Variants in SPATA9 observed in about 807,000 individuals in gnomAD.
SPATA9 encodes the protein spermatogenesis-associated protein 9.
Under a neutral mutation model 25.5 loss-of-function variants are expected in SPATA9, and 27 were observed. The ratio of observed to expected loss-of-function variants is 1.06; its 90% CI spans 0.78 to 1.46. SPATA9 has a LOEUF of 1.46. Ranked by LOEUF, SPATA9 falls within the 40% of genes most tolerant of loss-of-function variation. SPATA9 has a pLI of 0.00. For synonymous variants in SPATA9, 102 were observed against 105.7 expected (o/e 0.97, Z 0.21); for missense variants, 282 against 297.5 (o/e 0.95, Z 0.38).
At chr5:95,714,003 C>T in the SPATA9 span, among the ~76,000 whole-genome samples, 2 of 152,106 alleles carry the variant, frequency 1.3e-5, no homozygotes, top group African/African-American at 4.8e-5. Flanking sequence ...GACTTCCAGG[C>T]ATACAATCAT....
chr5:95,675,477 T>C lies in SPATA9; in HGVS notation c.313A>G (p.Arg105Gly), dbSNP rs1477339821. Residue 105 changes from arginine (R) to glycine (G), a missense_variant, in exon 3 of 5, where the codon AGG (arginine) becomes GGG (glycine). By Grantham distance (125) the Arg-to-Gly change is moderately radical. Coordinates refer to ENST00000274432, the MANE Select transcript of SPATA9 (RefSeq NM_031952.4). ...PQLACRLLELRDISGRLLREV... is the reference protein window; with the variant it reads ...PQLACRLLELGDISGRLLREV... The stretch of plus-strand genomic sequence containing the variant: ...CTCAGCAGACGACCAGATATGTCCC[T>C]TAGCTCTAAAAGTCTGCATGCAAGC... 1 of 1,614,188 alleles carries C rather than the reference T, an allele frequency of 6.2e-7. No individual in the cohort carries two copies. Among genetic ancestry groups the C allele is most frequent in the Non-Finnish European group, 8.5e-7 (1 of 1,180,026 alleles).
chr5:95,656,001 A>G (rs371274071), downstream of SPATA9: 2 of 1,578,318 alleles, frequency 1.3e-6, no homozygotes, highest in African/African-American at 1.4e-5. Context: ...TCTATCAAGA[A>G]CATTTGACAT....
At chr5:95,713,905 T>TG in the SPATA9 span, among the ~76,000 whole-genome samples, 307 of 151,580 alleles carry the variant, frequency 2.0e-3, 1 homozygote, top group African/African-American at 7.2e-3. Flanking sequence ...TGCACACAAA[T>TG]ACACATGTGC....
At chr5:95,699,612 A>G (rs962851244), upstream of SPATA9, among the ~76,000 whole-genome samples, 2 of 152,244 alleles carry the variant, frequency 1.3e-5, no homozygotes, top group African/African-American at 4.8e-5. Flanking sequence ...GAAAATGGAC[A>G]TAAGAGATAA....
At chr5:95,714,432 T>G in the SPATA9 span, among the ~76,000 whole-genome samples, 2 of 152,076 alleles carry the variant, frequency 1.3e-5, no homozygotes, top group Non-Finnish European at 2.9e-5. Context: ...GCAGAGAAGT[T>G]GAAAAAACAA....
In SPATA9 at chr5:95,664,310, C is replaced by T. The variant is rs962159114; in HGVS notation, c.379-262G>A. Among the ~76,000 whole-genome samples the T allele has an allele frequency of 2.0e-5, 3 of 152,072 alleles. No individual in the cohort carries two copies. In the East Asian group the frequency reaches 5.8e-4, roughly 29 times the overall value. On this transcript the variant is annotated intron_variant, in intron 3 of 4. Transcript: ENST00000274432. ...CTAAATGACTAATTTTTGCCAATTACCAACTGTGCACACTAGGAGGTGCTG... is the reference window on the plus strand; with the variant it reads ...CTAAATGACTAATTTTTGCCAATTATCAACTGTGCACACTAGGAGGTGCTG...
intron 3 of SPATA9, among the ~76,000 whole-genome samples, chr5:95,673,767 C>G (rs1261497539): frequency 7.5e-5 from 11 of 145,710 alleles, no homozygotes; most frequent in Non-Finnish European, 1.6e-4. Flanking sequence ...TTTTTTTAGA[C>G]AGAGTCTTGC....
At chr5:95,702,013 G>A (rs1209605010), upstream of SPATA9, among the ~76,000 whole-genome samples, 1 of 152,152 alleles carries the variant, frequency 6.6e-6, no homozygotes, top group Non-Finnish European at 1.5e-5. Flanking sequence ...GGATTGTTCA[G>A]TAGCCTTTTC....
At chr5:95,654,484 A>T (rs1750602317), downstream of SPATA9, 1 of 712,716 alleles carries the variant, frequency 1.4e-6, no homozygotes, top group Admixed American at 2.9e-5. Flanking sequence ...GTATTCTGGG[A>T]ATTCATAAGA....
the SPATA9 span, among the ~76,000 whole-genome samples, chr5:95,710,806 C>A: frequency 6.6e-6 from 1 of 152,184 alleles, no homozygotes; most frequent in Non-Finnish European, 1.5e-5. Flanking sequence ...TTATCAGCAG[C>A]CTTTTCAGCT....
At chr5:95,664,251 T>C (rs542545414) in intron 3 of SPATA9, among the ~76,000 whole-genome samples, 5 of 152,326 alleles carry the variant, frequency 3.3e-5, no homozygotes, top group African/African-American at 9.6e-5. Flanking sequence ...TCAAAACCTG[T>C]GACAAATCTA....
At chr5:95,700,877 G>A (rs1754167332), upstream of SPATA9, among the ~76,000 whole-genome samples, 1 of 151,934 alleles carries the variant, frequency 6.6e-6, no homozygotes, top group Non-Finnish European at 1.5e-5. Flanking sequence ...TCACATATAT[G>A]GATTCATATA....
intron 3 of SPATA9, among the ~76,000 whole-genome samples, chr5:95,665,905 G>A (rs947120735): frequency 6.6e-6 from 1 of 152,110 alleles, no homozygotes; most frequent in African/African-American, 2.4e-5. Flanking sequence ...GGAGGCAGAG[G>A]TTGCAGTGAG....
upstream of SPATA9, among the ~76,000 whole-genome samples, chr5:95,699,415 CT>C (rs1332696165): frequency 6.6e-6 from 1 of 152,172 alleles, no homozygotes; most frequent in African/African-American, 2.4e-5. Flanking sequence ...TATGATCATG[CT>C]CTTAGTGTGG....
At chr5:95,719,513 A>AG in the SPATA9 span, 1 of 152,360 alleles carries the variant, frequency 6.6e-6, no homozygotes, top group South Asian at 2.1e-4. Flanking sequence ...AATTCATTTT[A>AG]GTAATACCCT....
At chr5:95,690,872 T>C (rs1165658614) in intron 1 of SPATA9, among the ~76,000 whole-genome samples, 4 of 152,258 alleles carry the variant, frequency 2.6e-5, no homozygotes, top group African/African-American at 9.6e-5. Flanking sequence ...AGACAAACAA[T>C]ATTTCTGGTT....
intron 1 of SPATA9, among the ~76,000 whole-genome samples, chr5:95,694,507 C>T (rs1753965788): frequency 6.6e-6 from 1 of 152,132 alleles, no homozygotes; most frequent in African/African-American, 2.4e-5. Context: ...AATAAAAATG[C>T]TAAAGGATGC....
chr5:95,681,143 T>C (rs979787503), intron 2 of SPATA9, among the ~76,000 whole-genome samples: 14 of 152,236 alleles, frequency 9.2e-5, no homozygotes, highest in Non-Finnish European at 1.8e-4. Flanking sequence ...CTGAATGTCA[T>C]TTCCAAGCCC....
chr5:95,660,270 A>G (rs1026979911), intron 4 of SPATA9, among the ~76,000 whole-genome samples: 1 of 152,134 alleles, frequency 6.6e-6, no homozygotes. Flanking sequence ...CTCATTTCTA[A>G]GGGCACTAAT....
Sources: gnomAD v4.1 joint callset for allele counts (sites outside exome capture counted in the v4.1 genomes callset) on GRCh38, gnomAD v4.1.1 for gene constraint, MANE v1.5 for transcripts, NCBI Gene and HGNC (gene_info 2026-07-23, HGNC 2026-07-21) for gene names.